The following PLXNB2 variants were observed in gnomAD, a reference collection of about 807,000 sequenced individuals.
PLXNB2 encodes the protein plexin B2.
A neutral mutation model predicts 202.6 loss-of-function variants in PLXNB2; 85 were observed. The observed-to-expected ratio is 0.42, with a 90% CI of 0.35 to 0.50. The LOEUF (loss-of-function observed/expected upper bound fraction) is 0.50. PLXNB2 is among the 20% of genes least tolerant of loss of function. PLXNB2 has a pLI of 0.02. For synonymous variants in PLXNB2, 1,239 were observed against 1,137.6 expected (o/e 1.09, Z -1.79); for missense variants, 2,063 against 2,586.2 (o/e 0.80, Z 4.39).
chr22:50,277,144 TA>T (rs1423094875), intron 33 of PLXNB2, among the ~76,000 whole-genome samples: 1 of 152,028 alleles, frequency 6.6e-6, no homozygotes, highest in Non-Finnish European at 1.5e-5. Flanking sequence ...CCGTCTCTAC[TA>T]AAAATACTAG....
rs776534685 is a variant in PLXNB2 at position 50,283,664 on chromosome 22, C to G, written c.2508G>C (p.Gln836His). ...AGTTCCGGCCGGCCACAGAGATCCT[C>G]TGGATGTCCCCTGCTTGGACGCCCA... is the stretch of plus-strand genomic sequence containing the variant. ...SNLGVQAGDI[Q>H]RISVAGRNCS... The change falls in exon 15 of 37, where the codon CAG (glutamine) becomes CAC (histidine). Residue 836 changes from glutamine (Q) to histidine (H), a missense_variant. Gln to His is a conservative substitution (Grantham distance 24, BLOSUM62 0). Around this residue, in one of 2 missense-constraint regions of PLXNB2, gnomAD observed 1,303 missense variants for 1,476.8 expected, o/e 0.88. Transcript: ENST00000359337. 1.1e-5 allele frequency: 17 copies of G among 1,613,052 alleles called. No individual in the cohort carries two copies. Among genetic ancestry groups the G allele is most frequent in the Non-Finnish European group, 1.4e-5 (17 of 1,179,976 alleles).
At position 50,297,269 on chromosome 22, in the gene PLXNB2, C is replaced by CGGGCCCA. The variant is rs1273027960; in HGVS notation, c.-73-2498_-73-2492dup. Among the ~76,000 whole-genome samples, 1 of 152,188 alleles carries CGGGCCCA rather than the reference C, an allele frequency of 6.6e-6. No individual in the cohort carries two copies. The highest frequency in any genetic ancestry group is 1.5e-5 in the Non-Finnish European group (1 of 68,010). On this transcript the variant is annotated intron_variant, in intron 1 of 36. Coordinates refer to ENST00000359337, the MANE Select transcript of PLXNB2 (RefSeq NM_012401.4). This position sits in a 1 kb window ranked among gnomAD's most constrained non-coding sequence, Gnocchi z 5.3. ...GCACACCCCCAGGCTCCAGCCTCCACGGGCCCAGGCCCCAGGCGTGGGCGG... is the reference window on the plus strand; with the variant it reads ...GCACACCCCCAGGCTCCAGCCTCCACGGGCCCAGGGCCCAGGCCCCAGGCGTGGGCGG...
At position 50,280,807 on chromosome 22, in the gene PLXNB2, C is replaced by T. The variant is rs754113759; in HGVS notation, c.3930G>A (p.Pro1310=). ...ACTGGTAGAGGGCCTGCTCCACCAC[C>T]GGCCGCCGCGGCTCAGGGATGTCCA... ...GKLDIPEPRR[P]VVEQALYQFS... Residue 1310 remains proline (P), a synonymous_variant, in exon 24 of 37, where the codon CCG becomes CCA. Transcript: ENST00000359337. The T allele has an allele frequency of 1.4e-5, 23 of 1,613,194 alleles. No homozygotes were observed. Among genetic ancestry groups the T allele is most frequent in the African/African-American group, 5.3e-5 (4 of 74,922 alleles).
intron 17 of PLXNB2, 43 bp from the exon 18 acceptor site, chr22:50,282,924 G>T: frequency 3.2e-6 from 5 of 1,572,838 alleles, no homozygotes; most frequent in Middle Eastern, 3.4e-4. Flanking sequence ...CCCTCCCCCG[G>T]GACCAGCCCC....
At chr22:50,302,098 A>G (rs565037613) in intron 1 of PLXNB2, among the ~76,000 whole-genome samples, 1 of 152,128 alleles carries the variant, frequency 6.6e-6, no homozygotes, top group Non-Finnish European at 1.5e-5. Flanking sequence ...GGGAGGGGCC[A>G]TGTGTGGCAT....
At chr22:50,293,678 T>C (rs2067056884) in intron 2 of PLXNB2, among the ~76,000 whole-genome samples, 1 of 152,122 alleles carries the variant, frequency 6.6e-6, no homozygotes, top group East Asian at 1.9e-4. Context: ...GCCCGGACCG[T>C]GGTGGGGCAG....
intron 25 of PLXNB2, 70 bp from the exon 26 acceptor site, chr22:50,280,141 G>GCA: frequency 7.7e-7 from 1 of 1,305,574 alleles, no homozygotes; most frequent in Admixed American, 2.1e-5. Context: ...ACTCCTCCAA[G>GCA]CACCCGGCCA....
In PLXNB2 at chr22:50,279,532, G is replaced by A. The variant is rs1278583534; in HGVS notation, c.4389+98C>T. ...ACTCGAATCCACAGAGGAGGTGGAC[G>A]GCCTCTGGCCTGTGGGTCCCATCTG... is the stretch of plus-strand genomic sequence containing the variant. On this transcript the variant is annotated intron_variant, in intron 27 of 36. Coordinates refer to ENST00000359337, the MANE Select transcript of PLXNB2 (RefSeq NM_012401.4). The A allele has an allele frequency of 1.4e-5, 16 of 1,158,960 alleles. No homozygotes were observed. The East Asian group carries it at 1.6e-4, about 12-fold the overall frequency. The allele number at this position is 1,158,960 out of a possible 1,614,324, so 71.8% of individuals were successfully genotyped here. A position where few individuals can be genotyped will look rare whatever the true frequency, so the allele number is the denominator to read the frequency against.
chr22:50,290,171 G>A lies in PLXNB2; in HGVS notation c.414C>T (p.Ser138=), dbSNP rs201134975. ...ISLRLFYEDG[S]GEKSFVASND... is the part of the protein sequence containing the mutation. ...TGCTGGCCACGAAAGACTTCTCCCC[G>A]CTGCCGTCCTCGTAGAACAGGCGGA... The change falls in exon 3 of 37, where the codon AGC becomes AGT. Residue 138 remains serine (S), a synonymous_variant. Transcript: ENST00000359337. The A allele has an allele frequency of 7.1e-5, 115 of 1,612,742 alleles. No individual in the cohort carries two copies. In the African/African-American group the frequency reaches 1.0e-3, roughly 14 times the overall value.
chr22:50,283,591 C>A lies in PLXNB2; in HGVS notation c.2570+11G>T. 6.2e-7 allele frequency: 1 copy of A among 1,612,054 alleles called. No homozygotes were observed. The highest frequency in any genetic ancestry group is 8.5e-7 in the Non-Finnish European group (1 of 1,179,648). On this transcript the variant is annotated intron_variant, in intron 15 of 36. Transcript: ENST00000359337. ...CAGCTGACAGGGCCCAGACCAGGGC[C>A]GTCCACTCACCGGGTGGACACGGAG...
rs1407882520 is a variant in PLXNB2 at position 50,291,449 on chromosome 22, G to A, written c.-13-852C>T. ...ACGTCTCGGTGTGGGGTCTGTGCCT[G>A]GGTCCGGGTGGATGAGGGGGATGTG... On this transcript the variant is annotated intron_variant, in intron 2 of 36. Coordinates refer to ENST00000359337, the MANE Select transcript of PLXNB2 (RefSeq NM_012401.4). The surrounding 1 kb of genome is among the most constrained non-coding windows in gnomAD (Gnocchi z 4.3). Among the ~76,000 whole-genome samples, 1 of 152,120 alleles carries A rather than the reference G, an allele frequency of 6.6e-6. No homozygotes were observed. Among genetic ancestry groups the A allele is most frequent in the Non-Finnish European group, 1.5e-5 (1 of 68,012 alleles).
chr22:50,292,331 C>T (rs1436830078), intron 2 of PLXNB2, among the ~76,000 whole-genome samples: 1 of 114,796 alleles, frequency 8.7e-6, no homozygotes, highest in Non-Finnish European at 1.7e-5. Flanking sequence ...GAGCGAGACT[C>T]TGTCTCAAAA....
At position 50,276,863 on chromosome 22, in the gene PLXNB2, G is replaced by C; in HGVS notation, c.5240C>G (p.Thr1747Ser). 6.2e-7 allele frequency: 1 copy of C among 1,607,226 alleles called. No homozygotes were observed. Among genetic ancestry groups the C allele is most frequent in the Middle Eastern group, 1.7e-4 (1 of 6,046 alleles). ...TTACTCCTCCACCATCTTCTTGTAG[G>C]TGGAGATCTCCTTGGCGTACAGCAG... Reference protein sequence around the residue: ...NKLLYAKEISTYKKMVEDYYK... With the variant: ...NKLLYAKEISSYKKMVEDYYK... The change falls in exon 34 of 37, where the codon ACC becomes AGC. Residue 1747 changes from threonine to serine, a missense_variant. Thr to Ser is a moderately conservative substitution (Grantham distance 58). This residue lies in a region of PLXNB2 where 760 missense variants were observed against 1,109.4 expected (regional missense o/e 0.69). Coordinates refer to ENST00000359337, the MANE Select transcript of PLXNB2 (RefSeq NM_012401.4).
chr22:50,279,170 G>A (rs2065820508), intron 27 of PLXNB2, among the ~76,000 whole-genome samples, 159 bp from the exon 28 acceptor site: 1 of 152,222 alleles, frequency 6.6e-6, no homozygotes, highest in Non-Finnish European at 1.5e-5. Flanking sequence ...CTTCCCAGAT[G>A]ACCACACTCT....
At chr22:50,282,348 C>T in intron 18 of PLXNB2, 35 bp from the exon 19 acceptor site, 1 of 1,564,048 alleles carries the variant, frequency 6.4e-7, no homozygotes, top group Middle Eastern at 1.7e-4. Context: ...GCTCGGCTGG[C>T]AGGGGTGGTC....
chr22:50,283,551 G>A, intron 15 of PLXNB2, 51 bp downstream of exon 15: 1 of 1,129,300 alleles, frequency 8.9e-7, no homozygotes, highest in South Asian at 1.2e-5. Context: ...CGGAACCCCA[G>A]CGTGGGTACT....
chr22:50,294,618 G>A (rs1007542906), intron 2 of PLXNB2, 101 bp downstream of exon 2: 48 of 367,646 alleles, frequency 1.3e-4, no homozygotes, highest in Non-Finnish European at 4.5e-5. Flanking sequence ...AACCTGGCTG[G>A]ACAGAGCCTT....
Position 50,284,636 on chromosome 22 carries a change from C to A in PLXNB2, c.2118G>T (p.Leu706Phe), listed in dbSNP as rs772372051. ...TGGTCACCGGCTCCATGAACTTGAGCAAGTCACTGCCCACGTGCAGGGAGG... is the reference window on the plus strand; with the variant it reads ...TGGTCACCGGCTCCATGAACTTGAGAAAGTCACTGCCCACGTGCAGGGAGG... ...KGSSLHVGSD[L>F]LKFMEPVTMQ... The change falls in exon 12 of 37, where the codon TTG (leucine) becomes TTT (phenylalanine). Residue 706 changes from leucine (L) to phenylalanine (F), a missense_variant. Leu to Phe is a conservative substitution (Grantham distance 22). Coordinates refer to ENST00000359337, the MANE Select transcript of PLXNB2 (RefSeq NM_012401.4). This position sits in a 1 kb window ranked among gnomAD's most constrained non-coding sequence, Gnocchi z 8.0. 6.2e-7 allele frequency: 1 copy of A among 1,612,732 alleles called. No homozygotes were observed. Among genetic ancestry groups the A allele is most frequent in the South Asian group, 1.1e-5 (1 of 91,068 alleles).
chr22:50,282,120 C>A, intron 19 of PLXNB2, 39 bp from the exon 20 acceptor site: 6 of 1,604,194 alleles, frequency 3.7e-6, no homozygotes, highest in Non-Finnish European at 4.2e-6. Flanking sequence ...CGGGCGCAGA[C>A]CCCGCCCTTC....
Sources: gnomAD v4.1 joint callset for allele counts (sites outside exome capture counted in the v4.1 genomes callset) on GRCh38, gnomAD v4.1.1 for gene constraint, gnomAD v4.1.1 regional missense constraint, Gnocchi (gnomAD v3.1) non-coding constraint, MANE v1.5 for transcripts, NCBI Gene and HGNC (gene_info 2026-07-23, HGNC 2026-07-21) for gene names.